PLA2G7: variants seen among roughly 807,000 people sequenced by gnomAD.
The protein encoded by PLA2G7 is phospholipase A2 group VII.
PLA2G7 carries 63 observed loss-of-function variants against 49.6 expected under a neutral mutation model. That is an observed-to-expected ratio of 1.27 (90% confidence interval 1.04 to 1.57). The LOEUF is 1.57. Among genes scored for constraint, PLA2G7 ranks in the 40% most tolerant of loss-of-function variants. PLA2G7 has a pLI of 0.00. For synonymous variants in PLA2G7, 193 were observed against 169.9 expected (o/e 1.14, Z -1.06); for missense variants, 596 against 521.2 (o/e 1.14, Z -1.40).
intron 10 of PLA2G7, among the ~76,000 whole-genome samples, chr6:46,706,684 C>T (rs1764842405): frequency 6.6e-6 from 1 of 152,110 alleles, no homozygotes; most frequent in Non-Finnish European, 1.5e-5. Flanking sequence ...CTAATATTGG[C>T]TATTCTTTGA....
intron 4 of PLA2G7, among the ~76,000 whole-genome samples, 162 bp downstream of exon 4, chr6:46,716,222 G>A (rs1765194159): frequency 6.8e-6 from 1 of 146,374 alleles, no homozygotes. Context: ...CCTTGATTCT[G>A]TCGTAGTTGC....
intron 5 of PLA2G7, among the ~76,000 whole-genome samples, chr6:46,713,699 G>A (rs550610068): frequency 2.3e-4 from 35 of 152,292 alleles, no homozygotes; most frequent in African/African-American, 5.3e-4. Context: ...GAAAGTGGTG[G>A]AAGAAAGTGA....
intron 2 of PLA2G7, among the ~76,000 whole-genome samples, chr6:46,719,664 T>C (rs1765330625): frequency 6.6e-6 from 1 of 152,170 alleles, no homozygotes; most frequent in Admixed American, 6.5e-5. Context: ...TCTGGCCTAG[T>C]TGCTCCCCTC....
At chr6:46,716,617 T>C in intron 3 of PLA2G7, 89 bp from the exon 4 acceptor site, 1 of 1,305,724 alleles carries the variant, frequency 7.7e-7, no homozygotes, top group Non-Finnish European at 1.1e-6. Context: ...TAGTGGGGAC[T>C]CAAATACCTC....
chr6:46,714,032 G>T (rs1765117656), intron 5 of PLA2G7, among the ~76,000 whole-genome samples: 2 of 152,054 alleles, frequency 1.3e-5, no homozygotes, highest in Admixed American at 6.5e-5. Flanking sequence ...ACCTTTTCAG[G>T]TGTCCAACCT....
intron 9 of PLA2G7, 70 bp from the exon 10 acceptor site, chr6:46,708,231 T>C: frequency 8.6e-7 from 1 of 1,166,740 alleles, no homozygotes; most frequent in South Asian, 1.2e-5. Context: ...GACATCCTAA[T>C]AATGCTAGGA....
chr6:46,727,879 T>C (rs1328562941), intron 1 of PLA2G7, among the ~76,000 whole-genome samples: 1 of 152,212 alleles, frequency 6.6e-6, no homozygotes, highest in Non-Finnish European at 1.5e-5. Flanking sequence ...ACAGACTAGC[T>C]GACCTCTGAA....
chr6:46,704,819 G>A, intron 11 of PLA2G7, 123 bp from the exon 12 acceptor site: 1 of 695,196 alleles, frequency 1.4e-6, no homozygotes, highest in Non-Finnish European at 2.5e-6. Flanking sequence ...TAGAGACGAT[G>A]TGCTCTGTAT....
intron 1 of PLA2G7, among the ~76,000 whole-genome samples, chr6:46,726,449 C>G (rs1184523029): frequency 6.6e-6 from 1 of 152,118 alleles, no homozygotes; most frequent in Non-Finnish European, 1.5e-5. Flanking sequence ...TTTTCTCAAC[C>G]ATGGGATATG....
chr6:46,706,699 T>G (rs1173762152), intron 10 of PLA2G7, among the ~76,000 whole-genome samples: 1 of 152,200 alleles, frequency 6.6e-6, no homozygotes, highest in Non-Finnish European at 1.5e-5. Flanking sequence ...CTTTGAAGGT[T>G]TCTAGCAGAG....
chr6:46,734,224 G>A (rs904507320), intron 1 of PLA2G7, among the ~76,000 whole-genome samples: 1 of 152,066 alleles, frequency 6.6e-6, no homozygotes, highest in Non-Finnish European at 1.5e-5. Context: ...GCAGGGGGAT[G>A]CTCCAGGTAG....
At chr6:46,719,999 T>A (rs1765344292) in intron 2 of PLA2G7, among the ~76,000 whole-genome samples, 1 of 152,182 alleles carries the variant, frequency 6.6e-6, no homozygotes, top group African/African-American at 2.4e-5. Flanking sequence ...TAAAAGAGTA[T>A]CTACTGAGCC....
intron 8 of PLA2G7, among the ~76,000 whole-genome samples, chr6:46,709,809 G>A (rs1764952432): frequency 1.3e-5 from 2 of 152,118 alleles, no homozygotes; most frequent in South Asian, 2.1e-4. Flanking sequence ...CAGTGAGTTT[G>A]CAGTCCATCA....
chr6:46,716,383 C>G lies in PLA2G7; in HGVS notation c.376+1G>C. 1 of 1,614,018 alleles carries G rather than the reference C, an allele frequency of 6.2e-7. No homozygotes were observed. Among genetic ancestry groups the G allele is most frequent in the South Asian group, 1.1e-5 (1 of 91,082 alleles). On this transcript the variant is annotated splice_donor_variant, in intron 4 of 11. Coordinates refer to ENST00000274793, the MANE Select transcript of PLA2G7 (RefSeq NM_005084.4). LOFTEE classifies it high-confidence loss of function. ...CAAAGAAGGATCAACAGAAATCTTA[C>G]CAAAGAGTAACCTCAAAATGTTGCC...
chr6:46,718,989 A>G (rs1035903773), intron 2 of PLA2G7, among the ~76,000 whole-genome samples: 1 of 151,972 alleles, frequency 6.6e-6, no homozygotes, highest in Non-Finnish European at 1.5e-5. Flanking sequence ...TTACTCATCC[A>G]CTCCTAAAAC....
intron 11 of PLA2G7, 103 bp from the exon 12 acceptor site, chr6:46,704,799 G>A (rs527798414): frequency 2.8e-4 from 210 of 746,240 alleles, no homozygotes; most frequent in Admixed American, 7.7e-4. Flanking sequence ...CACAAGTTCC[G>A]TTAGGATGGT....
intron 5 of PLA2G7, 33 bp from the exon 6 acceptor site, chr6:46,712,370 A>G (rs745536907): frequency 6.7e-7 from 1 of 1,499,480 alleles, no homozygotes; most frequent in South Asian, 1.1e-5. Context: ...AATTACAACT[A>G]CCAGTCATGA....
At chr6:46,716,735 C>T (rs1418499038) in intron 3 of PLA2G7, among the ~76,000 whole-genome samples, 1 of 152,128 alleles carries the variant, frequency 6.6e-6, no homozygotes, top group Non-Finnish European at 1.5e-5. Context: ...AAGGAAAATA[C>T]AAGCAGCCTG....
In PLA2G7 at chr6:46,709,385, C is replaced by A; in HGVS notation, c.811G>T (p.Gly271Ter). 2 of 1,605,434 alleles carry A rather than the reference C, an allele frequency of 1.2e-6. No individual in the cohort carries two copies. Among genetic ancestry groups the A allele is most frequent in the South Asian group, 2.2e-5 (2 of 90,870 alleles). ...ACCGTTGCTCCACCAAAAGAATGTC[C>A]AATTACTGCTATTTTTTCCCTATCA... ...SIDREKIAVI[G>*]HSFGGATVIQ... is the part of the protein sequence containing the mutation. Residue 271 changes from glycine (G) to a stop codon, truncating the protein, a stop_gained, in exon 9 of 12, where the codon GGA becomes TGA. Coordinates refer to ENST00000274793, the MANE Select transcript of PLA2G7 (RefSeq NM_005084.4). LOFTEE classifies it high-confidence loss of function.
Sources: gnomAD v4.1 joint callset for allele counts (sites outside exome capture counted in the v4.1 genomes callset) on GRCh38, gnomAD v4.1.1 for gene constraint, MANE v1.5 for transcripts, NCBI Gene and HGNC (gene_info 2026-07-23, HGNC 2026-07-21) for gene names.